Variants in DNAJC1 observed in about 807,000 individuals in gnomAD.
The protein encoded by DNAJC1 is dnaJ homolog subfamily C member 1.
DNAJC1 carries 58 observed loss-of-function variants against 76.6 expected under a neutral mutation model. The observed-to-expected ratio is 0.76, with a 90% CI of 0.61 to 0.94. The LOEUF is 0.94. Among genes scored for constraint, DNAJC1 ranks in the 40% least tolerant of loss-of-function variants. DNAJC1 has a pLI of 0.00. For synonymous variants in DNAJC1, 258 were observed against 267.9 expected, an observed-to-expected ratio of 0.96 and a Z score of 0.36; for missense variants, 689 against 677.3, an observed-to-expected ratio of 1.02 and a Z score of -0.19.
rs1292631573 is a variant in DNAJC1 at position 21,799,592 on chromosome 10, T to C, written c.1098+6388A>G. On this transcript the variant is annotated intron_variant, in intron 9 of 11. Coordinates refer to ENST00000376980, the MANE Select transcript of DNAJC1 (RefSeq NM_022365.4). Reference sequence around the variant, plus strand: ...TGCTGGGATTACAGGCATTAGTTGCTGCACTTTGCCTTTTTTTTCTTTTCC... The same window carrying C: ...TGCTGGGATTACAGGCATTAGTTGCCGCACTTTGCCTTTTTTTTCTTTTCC... 3.9e-5 allele frequency among the ~76,000 whole-genome samples: 6 copies of C among 152,166 alleles called. No homozygotes were observed. In the East Asian group the frequency reaches 9.6e-4, roughly 24 times the overall value.
chr10:21,953,112 A>G (rs539396598), intron 1 of DNAJC1, among the ~76,000 whole-genome samples: 75 of 152,262 alleles, frequency 4.9e-4, no homozygotes, highest in African/African-American at 1.8e-3. Context: ...AAGAATATTT[A>G]CTAAAGAACA....
chr10:21,867,896 A>T (rs1237077550), intron 8 of DNAJC1, among the ~76,000 whole-genome samples: 1 of 151,612 alleles, frequency 6.6e-6, no homozygotes, highest in African/African-American at 2.4e-5. Context: ...ACATGGTGAA[A>T]CCCTGTCTCT....
intron 1 of DNAJC1, among the ~76,000 whole-genome samples, chr10:22,002,979 C>A (rs1049485365): frequency 6.6e-5 from 10 of 152,152 alleles, no homozygotes; most frequent in Non-Finnish European, 1.5e-4. Flanking sequence ...AGGCTAGTGG[C>A]GCCGTCCAGC....
chr10:21,870,895 C>T, intron 8 of DNAJC1, among the ~76,000 whole-genome samples: 1 of 152,052 alleles, frequency 6.6e-6, no homozygotes, highest in East Asian at 1.9e-4. Flanking sequence ...TCTAGTCCTA[C>T]CCACTGTTCC....
At chr10:21,992,485 C>T (rs960512148) in intron 1 of DNAJC1, among the ~76,000 whole-genome samples, 6 of 151,436 alleles carry the variant, frequency 4.0e-5, no homozygotes, top group East Asian at 1.9e-4. Context: ...CCCAGGAGAA[C>T]GAGGTTGCAG....
chr10:21,905,461 TG>T (rs1836728685), intron 6 of DNAJC1, among the ~76,000 whole-genome samples: 1 of 152,150 alleles, frequency 6.6e-6, no homozygotes, highest in Admixed American at 6.5e-5. Flanking sequence ...TCTGTGCAAT[TG>T]CTTTGCCCTC....
At chr10:21,866,401 T>C (rs917535173) in intron 8 of DNAJC1, among the ~76,000 whole-genome samples, 2 of 151,882 alleles carry the variant, frequency 1.3e-5, no homozygotes, top group Non-Finnish European at 2.9e-5. Context: ...ATTAGTTATA[T>C]TAATATTAAA....
At chr10:21,757,892 G>A (rs1186084366) in intron 11 of DNAJC1, among the ~76,000 whole-genome samples, 1 of 152,166 alleles carries the variant, frequency 6.6e-6, no homozygotes, top group East Asian at 1.9e-4. Flanking sequence ...CCAGGTATGA[G>A]TTTCTGGGTG....
At chr10:21,942,983 T>C (rs1223150531) in intron 1 of DNAJC1, among the ~76,000 whole-genome samples, 2 of 151,828 alleles carry the variant, frequency 1.3e-5, no homozygotes, top group Non-Finnish European at 2.9e-5. Context: ...AAAATAACCA[T>C]CAGAGACAAA....
chr10:21,960,841 C>T (rs1431947861), intron 1 of DNAJC1, among the ~76,000 whole-genome samples: 1 of 152,106 alleles, frequency 6.6e-6, no homozygotes, highest in African/African-American at 2.4e-5. Flanking sequence ...GGCACCGTGG[C>T]ACATGTATAC....
intron 6 of DNAJC1, among the ~76,000 whole-genome samples, chr10:21,911,961 T>C (rs534673372): frequency 1.5e-4 from 23 of 152,312 alleles, no homozygotes; most frequent in African/African-American, 5.5e-4. Context: ...GGCTAAGCTA[T>C]GAGTTTCCGG....
chr10:21,986,205 G>A (rs1274486027), intron 1 of DNAJC1, among the ~76,000 whole-genome samples: 1 of 152,158 alleles, frequency 6.6e-6, no homozygotes, highest in African/African-American at 2.4e-5. Flanking sequence ...GACAAAGCGA[G>A]ACTCCATCTC....
At chr10:21,769,261 C>G (rs1489575739) in intron 9 of DNAJC1, among the ~76,000 whole-genome samples, 1 of 152,148 alleles carries the variant, frequency 6.6e-6, no homozygotes, top group Non-Finnish European at 1.5e-5. Flanking sequence ...AAACTGACCA[C>G]GCAACAATGG....
chr10:21,913,563 TTA>T (rs1836902794), intron 6 of DNAJC1, among the ~76,000 whole-genome samples: 1 of 152,204 alleles, frequency 6.6e-6, no homozygotes, highest in South Asian at 2.1e-4. Context: ...AGAGCACTGA[TTA>T]TATGTCACCA....
chr10:21,835,616 C>T (rs1376788074), intron 8 of DNAJC1, among the ~76,000 whole-genome samples: 1 of 152,154 alleles, frequency 6.6e-6, no homozygotes, highest in African/African-American at 2.4e-5. Flanking sequence ...ATAACCAATG[C>T]AGTGAAGTCC....
chr10:21,885,249 G>A (rs895573388), intron 7 of DNAJC1, among the ~76,000 whole-genome samples: 12 of 151,916 alleles, frequency 7.9e-5, no homozygotes, highest in Middle Eastern at 3.4e-3. Context: ...CAAAAAAAGG[G>A]CAATACATAA....
At chr10:21,986,444 T>C (rs2131842688) in intron 1 of DNAJC1, among the ~76,000 whole-genome samples, 1 of 152,314 alleles carries the variant, frequency 6.6e-6, no homozygotes, top group Middle Eastern at 3.4e-3. Flanking sequence ...TTAGCATTTG[T>C]ATATCTTCTT....
intron 9 of DNAJC1, 141 bp from the exon 10 acceptor site, chr10:21,766,450 T>A (rs894292965): frequency 4.6e-6 from 3 of 652,642 alleles, no homozygotes; most frequent in Non-Finnish European, 8.2e-6. Context: ...GTCTGTCGCA[T>A]CCATTAATGT....
intron 8 of DNAJC1, among the ~76,000 whole-genome samples, chr10:21,836,619 T>C (rs992151368): frequency 6.6e-6 from 1 of 151,782 alleles, no homozygotes; most frequent in Non-Finnish European, 1.5e-5. Flanking sequence ...CTCAAAATAA[T>C]GGGATGGAGG....
Sources: gnomAD v4.1 joint callset for allele counts (sites outside exome capture counted in the v4.1 genomes callset) on GRCh38, gnomAD v4.1.1 for gene constraint, MANE v1.5 for transcripts, NCBI Gene and HGNC (gene_info 2026-07-23, HGNC 2026-07-21) for gene names.